The following F13A1 variants were observed in gnomAD, a reference collection of about 807,000 sequenced individuals.
F13A1 encodes the protein FSF, A subunit.
A neutral mutation model predicts 80.1 loss-of-function variants in F13A1; 47 were observed. The observed-to-expected ratio is 0.59, with a 90% CI of 0.46 to 0.75. The LOEUF is 0.75. F13A1 is among the 30% of genes least tolerant of loss of function. F13A1 has a pLI of 0.00. For synonymous variants in F13A1, 349 were observed against 344.9 expected (o/e 1.01, Z -0.13); for missense variants, 817 against 930.4 (o/e 0.88, Z 1.59).
Position 6,212,443 on chromosome 6 carries a change from C to T in F13A1, c.1112+9590G>A, listed in dbSNP as rs192338113. Reference sequence around the variant, plus strand: ...CACTGACACCTCACACGGCCGGGTACTCCAACAGATCTGCAGCTGAGGGTC... The same window carrying T: ...CACTGACACCTCACACGGCCGGGTATTCCAACAGATCTGCAGCTGAGGGTC... On this transcript the variant is annotated intron_variant, in intron 8 of 14. Coordinates refer to ENST00000264870, the MANE Select transcript of F13A1 (RefSeq NM_000129.4). Among the ~76,000 whole-genome samples the T allele has an allele frequency of 9.8e-3, 1,486 of 152,312 alleles. 28 individuals carry two copies. The highest frequency in any genetic ancestry group is 0.035 in the African/African-American group (1,438 of 41,562).
chr6:6,265,491 A>T (rs1302658081), intron 4 of F13A1, among the ~76,000 whole-genome samples: 2 of 152,228 alleles, frequency 1.3e-5, no homozygotes, highest in Admixed American at 6.5e-5. Context: ...AAGGGCAGAG[A>T]TGAAGATGAG....
At chr6:6,274,212 T>A (rs1757957920) in intron 3 of F13A1, among the ~76,000 whole-genome samples, 1 of 152,234 alleles carries the variant, frequency 6.6e-6, no homozygotes, top group African/African-American at 2.4e-5. Flanking sequence ...TGGAACGTAG[T>A]AGGTGCTCAA....
intron 8 of F13A1, among the ~76,000 whole-genome samples, chr6:6,212,935 G>T (rs889835864): frequency 6.6e-6 from 1 of 152,164 alleles, no homozygotes; most frequent in Admixed American, 6.5e-5. Flanking sequence ...ATCAGCGATG[G>T]AAGATGAAAT....
At position 6,193,454 on chromosome 6, in the gene F13A1, T is replaced by G. The variant is rs571021683; in HGVS notation, c.1305+2343A>C. ...ATATCGACTCATATGACACTCCCCA[T>G]GGGGTCCCACTGCAGGCACCCTTGA... On this transcript the variant is annotated intron_variant, in intron 10 of 14. Coordinates refer to ENST00000264870, the MANE Select transcript of F13A1 (RefSeq NM_000129.4). Among the ~76,000 whole-genome samples the G allele has an allele frequency of 1.5e-3, 232 of 152,250 alleles. 1 individual carries two copies. The highest frequency in any genetic ancestry group is 5.0e-3 in the African/African-American group (206 of 41,544).
chr6:6,179,629 G>A (rs1359841175), intron 11 of F13A1, among the ~76,000 whole-genome samples: 1 of 152,148 alleles, frequency 6.6e-6, no homozygotes, highest in Admixed American at 6.5e-5. Flanking sequence ...ATTCTACTTG[G>A]TCACTTCCAA....
chr6:6,275,555 T>C (rs1337726377), intron 3 of F13A1, among the ~76,000 whole-genome samples: 2 of 152,046 alleles, frequency 1.3e-5, no homozygotes, highest in East Asian at 3.9e-4. Context: ...TTTTAGTAGA[T>C]AGGGAATTTT....
chr6:6,307,334 G>A (rs1002332820), intron 2 of F13A1, among the ~76,000 whole-genome samples: 3 of 152,164 alleles, frequency 2.0e-5, no homozygotes, highest in Non-Finnish European at 4.4e-5. Flanking sequence ...CCCCTGAAGG[G>A]CACTTTCTTT....
chr6:6,294,504 T>C (rs538948871), intron 3 of F13A1, among the ~76,000 whole-genome samples: 26 of 151,022 alleles, frequency 1.7e-4, no homozygotes, highest in Non-Finnish European at 3.5e-4. Flanking sequence ...CTCCCCTTTA[T>C]ATGTATATAC....
intron 2 of F13A1, among the ~76,000 whole-genome samples, chr6:6,312,944 A>G (rs1396562264): frequency 6.6e-6 from 1 of 152,102 alleles, no homozygotes; most frequent in Non-Finnish European, 1.5e-5. Flanking sequence ...AGTCAGCCAC[A>G]CACAGGTCAA....
At chr6:6,237,953 C>T (rs1331311462) in intron 6 of F13A1, among the ~76,000 whole-genome samples, 1 of 152,146 alleles carries the variant, frequency 6.6e-6, no homozygotes, top group Non-Finnish European at 1.5e-5. Context: ...TTCATTAAAG[C>T]TGGAAAGTTG....
chr6:6,241,097 G>C (rs1264206871), intron 6 of F13A1, among the ~76,000 whole-genome samples: 17 of 152,188 alleles, frequency 1.1e-4, no homozygotes, highest in African/African-American at 3.4e-4. Flanking sequence ...TTTTTCTGCT[G>C]TTCCAAACTG....
chr6:6,298,916 CT>C (rs1758375738), intron 3 of F13A1, among the ~76,000 whole-genome samples: 1 of 148,406 alleles, frequency 6.7e-6, no homozygotes, highest in African/African-American at 2.6e-5. Flanking sequence ...TTAGCGCTTC[CT>C]TCAGGAGCTC....
intron 8 of F13A1, among the ~76,000 whole-genome samples, chr6:6,219,041 T>G (rs79441725): frequency 0.025 from 3,851 of 151,942 alleles, 149 homozygotes; most frequent in African/African-American, 0.086. Flanking sequence ...GAAGAAGAAA[T>G]AGATGGTGGA....
At chr6:6,265,216 G>A (rs1008664548) in intron 4 of F13A1, among the ~76,000 whole-genome samples, 1 of 152,224 alleles carries the variant, frequency 6.6e-6, no homozygotes, top group African/African-American at 2.4e-5. Context: ...GATTAACCCT[G>A]ATTCAAATGT....
At chr6:6,169,402 T>A (rs1174725369) in intron 12 of F13A1, 2 of 154,148 alleles carry the variant, frequency 1.3e-5, no homozygotes, top group Non-Finnish European at 2.9e-5. Context: ...TGCATTTGAA[T>A]AAGACCCCAG....
At chr6:6,279,266 G>A (rs529218802) in intron 3 of F13A1, among the ~76,000 whole-genome samples, 2 of 150,372 alleles carry the variant, frequency 1.3e-5, no homozygotes, top group Admixed American at 1.3e-4. Flanking sequence ...AAACAAGACT[G>A]TGTTATTCTA....
At chr6:6,239,903 CAG>C (rs1004594137) in intron 6 of F13A1, among the ~76,000 whole-genome samples, 2 of 152,138 alleles carry the variant, frequency 1.3e-5, no homozygotes, top group African/African-American at 4.8e-5. Flanking sequence ...CAGGAGGAGA[CAG>C]GGGAAAGAAA....
intron 3 of F13A1, among the ~76,000 whole-genome samples, chr6:6,274,979 G>A (rs984020335): frequency 6.6e-6 from 1 of 152,192 alleles, no homozygotes; most frequent in Non-Finnish European, 1.5e-5. Context: ...GACCTCCAAC[G>A]CTGTGCAAAG....
chr6:6,242,783 T>C (rs1462172067), intron 6 of F13A1, among the ~76,000 whole-genome samples: 1 of 152,090 alleles, frequency 6.6e-6, no homozygotes, highest in African/African-American at 2.4e-5. Flanking sequence ...GGAGAAAGGG[T>C]TTCTTCAAAT....
Sources: allele counts gnomAD v4.1 joint callset (sites outside exome capture counted in the v4.1 genomes callset), GRCh38; gene constraint gnomAD v4.1.1; transcripts MANE v1.5; gene names NCBI Gene and HGNC (gene_info 2026-07-23, HGNC 2026-07-21).